Variants in MACROD2 observed in about 807,000 individuals in gnomAD.
MACROD2 encodes ADP-ribose glycohydrolase MACROD2.
Under a neutral mutation model 70.4 loss-of-function variants are expected in MACROD2, and 36 were observed. The observed-to-expected ratio is 0.51, with a 90% CI of 0.39 to 0.68. The LOEUF is 0.68. Among genes scored for constraint, MACROD2 ranks in the 30% least tolerant of loss-of-function variants. MACROD2 has a pLI of 0.00. For synonymous variants in MACROD2, 172 were observed against 178.8 expected, an observed-to-expected ratio of 0.96 and a Z score of 0.30; for missense variants, 496 against 538.4, an observed-to-expected ratio of 0.92 and a Z score of 0.78.
rs1463640036 is a variant in MACROD2 at position 15,006,095 on chromosome 20, C to G, written c.419-223845C>G. Among the ~76,000 whole-genome samples the G allele has an allele frequency of 2.0e-5, 3 of 150,970 alleles. No individual in the cohort carries two copies. The East Asian group carries it at 5.8e-4, about 29-fold the overall frequency. On this transcript the variant is annotated intron_variant, in intron 5 of 17. Transcript: ENST00000684519. ...ACTAGGTGCTTTACAGAAGTTATCTCCAGGACTCATTAAAAAGACACAAAG... is the reference window on the plus strand; with the variant it reads ...ACTAGGTGCTTTACAGAAGTTATCTGCAGGACTCATTAAAAAGACACAAAG...
At chr20:15,152,657 G>T (rs1267228028) in intron 5 of MACROD2, among the ~76,000 whole-genome samples, 1 of 151,850 alleles carries the variant, frequency 6.6e-6, no homozygotes, top group Non-Finnish European at 1.5e-5. Flanking sequence ...CAGAGAAGGG[G>T]TTGGGGTTCT....
chr20:15,218,827 T>C (rs1033498408), intron 5 of MACROD2, among the ~76,000 whole-genome samples: 1 of 151,562 alleles, frequency 6.6e-6, no homozygotes, highest in Non-Finnish European at 1.5e-5. Context: ...GGGTGGATCA[T>C]GAGGTCAGGA....
At chr20:16,011,674 T>G (rs570173646) in intron 15 of MACROD2, among the ~76,000 whole-genome samples, 14 of 152,194 alleles carry the variant, frequency 9.2e-5, no homozygotes, top group Non-Finnish European at 2.9e-5. Context: ...GTGTGCAGTG[T>G]AGGGAAGTTT....
chr20:14,317,415 C>T (rs546004890), intron 3 of MACROD2, among the ~76,000 whole-genome samples: 2 of 152,100 alleles, frequency 1.3e-5, no homozygotes, highest in South Asian at 4.2e-4. Context: ...GTCAAGAGAT[C>T]AAGACCATCC....
chr20:14,641,424 A>G (rs1156384515), intron 4 of MACROD2, among the ~76,000 whole-genome samples: 1 of 152,212 alleles, frequency 6.6e-6, no homozygotes, highest in African/African-American at 2.4e-5. Context: ...TCCATGAATC[A>G]CAAATGTTCC....
intron 8 of MACROD2, among the ~76,000 whole-genome samples, chr20:15,829,302 A>G (rs2064029663): frequency 6.6e-6 from 1 of 152,142 alleles, no homozygotes; most frequent in Admixed American, 6.6e-5. Context: ...CTTCTCTCCT[A>G]TCCCAGGAAA....
At chr20:15,850,678 G>A (rs1278846621) in intron 8 of MACROD2, among the ~76,000 whole-genome samples, 2 of 152,154 alleles carry the variant, frequency 1.3e-5, no homozygotes, top group Non-Finnish European at 1.5e-5. Flanking sequence ...GGCCATGTGA[G>A]ATTTACCCTC....
intron 5 of MACROD2, among the ~76,000 whole-genome samples, chr20:14,954,695 T>C (rs1192951846): frequency 1.0e-5 from 1 of 95,570 alleles, no homozygotes; most frequent in Admixed American, 1.7e-4. Flanking sequence ...TTATATAAAA[T>C]TATAAATAAA....
intron 6 of MACROD2, among the ~76,000 whole-genome samples, chr20:15,422,333 G>T (rs1430536223): frequency 6.6e-6 from 1 of 152,172 alleles, no homozygotes; most frequent in Admixed American, 6.5e-5. Context: ...GAGAAAGCGT[G>T]TGGCTGTAAG....
chr20:14,392,289 TC>T (rs1365517666), intron 3 of MACROD2, among the ~76,000 whole-genome samples: 1 of 152,118 alleles, frequency 6.6e-6, no homozygotes, highest in African/African-American at 2.4e-5. Context: ...CTTTTTCCTC[TC>T]TCCGTTCTTT....
intron 5 of MACROD2, chr20:14,906,067 AT>A (rs1167877993): frequency 6.6e-6 from 1 of 152,228 alleles, no homozygotes; most frequent in Non-Finnish European, 1.5e-5. Flanking sequence ...AGAGGAACAA[AT>A]AAGAAAGAAT....
At chr20:14,179,010 A>T (rs2081286300) in intron 3 of MACROD2, among the ~76,000 whole-genome samples, 1 of 152,158 alleles carries the variant, frequency 6.6e-6, no homozygotes, top group Non-Finnish European at 1.5e-5. Context: ...ATAGGCTAGC[A>T]AAAAACCAAA....
At chr20:14,978,635 A>T (rs1311430271) in intron 5 of MACROD2, among the ~76,000 whole-genome samples, 1 of 48,620 alleles carries the variant, frequency 2.1e-5, no homozygotes, top group African/African-American at 8.2e-5. Context: ...CCCCCACCCC[A>T]CCCCATGAAA....
intron 8 of MACROD2, among the ~76,000 whole-genome samples, chr20:15,693,291 T>A (rs2050321729): frequency 6.6e-6 from 1 of 152,234 alleles, no homozygotes; most frequent in Admixed American, 6.5e-5. Context: ...AACTCATTGG[T>A]TTCTCTGTGA....
chr20:15,950,480 A>G (rs1355132660), intron 12 of MACROD2, among the ~76,000 whole-genome samples: 4 of 152,206 alleles, frequency 2.6e-5, no homozygotes, highest in Non-Finnish European at 5.9e-5. Flanking sequence ...ATCATTGTAA[A>G]TAAAGTGGAC....
chr20:14,629,738 C>G (rs772563165), intron 4 of MACROD2, among the ~76,000 whole-genome samples: 3 of 152,152 alleles, frequency 2.0e-5, no homozygotes, highest in Non-Finnish European at 4.4e-5. Context: ...GATGTGCTGT[C>G]AATGAGCTTT....
At chr20:14,277,831 T>A (rs2082272731) in intron 3 of MACROD2, among the ~76,000 whole-genome samples, 1 of 152,196 alleles carries the variant, frequency 6.6e-6, no homozygotes, top group Non-Finnish European at 1.5e-5. Context: ...AATTCTTTTC[T>A]CACTCTGTAA....
At chr20:15,417,314 G>T (rs573985976) in intron 6 of MACROD2, among the ~76,000 whole-genome samples, 420 of 150,888 alleles carry the variant, frequency 2.8e-3, no homozygotes, top group Middle Eastern at 7.2e-3. Flanking sequence ...TCCTGGGCCA[G>T]ATATGGGGGT....
intron 6 of MACROD2, among the ~76,000 whole-genome samples, chr20:15,298,826 A>G (rs2077615333): frequency 6.6e-6 from 1 of 152,166 alleles, no homozygotes; most frequent in Non-Finnish European, 1.5e-5. Flanking sequence ...CACTCTTCAC[A>G]TATGAGCTCA....
Sources: allele counts gnomAD v4.1 joint callset (sites outside exome capture counted in the v4.1 genomes callset), GRCh38; gene constraint gnomAD v4.1.1; transcripts MANE v1.5; gene names NCBI Gene and HGNC (gene_info 2026-07-23, HGNC 2026-07-21).